Variants in TPM1 observed in about 807,000 individuals in gnomAD.
TPM1 encodes tropomyosin alpha-1 chain.
TPM1 carries 24 observed loss-of-function variants against 42.9 expected under a neutral mutation model. The ratio of observed to expected loss-of-function variants is 0.56; its 90% CI spans 0.41 to 0.79. The LOEUF is 0.79. TPM1 is among the 30% of genes least tolerant of loss of function. The pLI, the probability that TPM1 is intolerant of heterozygous loss-of-function variation, is 0.00. For missense variants in TPM1, 158 were observed against 351.8 expected, an observed-to-expected ratio of 0.45 and a Z score of 4.41; for synonymous variants, 136 against 130.1, an observed-to-expected ratio of 1.05 and a Z score of -0.31.
intron 9 of TPM1, 21 bp from the exon 10 acceptor site, chr15:63,065,875 C>A (rs1397014839): frequency 1.2e-6 from 2 of 1,603,898 alleles, no homozygotes; most frequent in Non-Finnish European, 1.7e-6. Flanking sequence ...TTTTTCCTCC[C>A]ACCTTTTTAT....
At chr15:63,055,116 A>G (rs2034568301) in intron 2 of TPM1, among the ~76,000 whole-genome samples, 1 of 151,990 alleles carries the variant, frequency 6.6e-6, no homozygotes, top group South Asian at 2.1e-4. Context: ...CAATACACAC[A>G]CACACCAGAA....
At chr15:63,048,580 C>G (rs1432721025) in intron 2 of TPM1, 6 of 1,527,892 alleles carry the variant, frequency 3.9e-6, no homozygotes. Flanking sequence ...GGCGCGATGG[C>G]GGGGAGTAGC....
intron 2 of TPM1, among the ~76,000 whole-genome samples, chr15:63,049,693 T>TA (rs903446384): frequency 7.9e-5 from 12 of 152,320 alleles, no homozygotes; most frequent in Admixed American, 7.8e-4. Flanking sequence ...TAAATGGCTG[T>TA]ATGGCTGGCC....
chr15:63,065,527 AG>A, intron 9 of TPM1: 1 of 985,224 alleles, frequency 1.0e-6, no homozygotes, highest in Non-Finnish European at 1.2e-6. Context: ...TTTGTAAATG[AG>A]GGGGTGGAGC....
chr15:63,051,777 A>G (rs1241084929), intron 2 of TPM1, among the ~76,000 whole-genome samples: 1 of 152,196 alleles, frequency 6.6e-6, no homozygotes, highest in Non-Finnish European at 1.5e-5. Context: ...TTTTTTCTTA[A>G]TAACCTTAAC....
chr15:63,066,128 T>A lies in TPM1; in HGVS notation c.*229T>A. ...GCTATTCTTTTTACTTCTTATTTAT[T>A]GACATTTTAGTTTCAACATTGAATA... is the stretch of plus-strand genomic sequence containing the variant. On this transcript the variant is annotated 3_prime_UTR_variant, in exon 10 of 10. Transcript: ENST00000403994. The A allele has an allele frequency of 6.7e-7, 1 of 1,482,682 alleles. No homozygotes were observed. The highest frequency in any genetic ancestry group is 8.9e-7 in the Non-Finnish European group (1 of 1,126,294). The allele number at this position is 1,482,682 out of a possible 1,614,324, so 91.8% of individuals were successfully genotyped here.
At chr15:63,048,746 G>A in intron 2 of TPM1, 2 of 1,520,918 alleles carry the variant, frequency 1.3e-6, no homozygotes, top group East Asian at 2.6e-5. Flanking sequence ...CCCCAGAGGC[G>A]CATCCTCCCG....
At chr15:63,065,250 T>TAAA (rs1217506123) in intron 9 of TPM1, 2 of 987,432 alleles carry the variant, frequency 2.0e-6, no homozygotes, top group East Asian at 2.3e-4. Context: ...ACTTAAACAT[T>TAAA]AAACTTTTTC....
chr15:63,066,276 T>G, downstream of TPM1: 1 of 931,572 alleles, frequency 1.1e-6, no homozygotes, highest in Non-Finnish European at 1.4e-6. Flanking sequence ...CTTGTTGAAC[T>G]TCAAAAAAAT....
At chr15:63,057,450 C>T (rs1003514566) in intron 3 of TPM1, among the ~76,000 whole-genome samples, 5 of 152,168 alleles carry the variant, frequency 3.3e-5, no homozygotes, top group African/African-American at 7.2e-5. Context: ...CTACTGACCA[C>T]AGAGCAATTG....
Position 63,056,754 on chromosome 15 carries a change from G to C in TPM1, c.241-231G>C, listed in dbSNP as rs2034859996. 5 of 585,768 alleles carry C rather than the reference G, an allele frequency of 8.5e-6. No individual in the cohort carries two copies. The South Asian group carries it at 9.1e-5, about 11-fold the overall frequency. The allele number at this position is 585,768 out of a possible 1,614,324, so 36.3% of individuals were successfully genotyped here. A position where few individuals can be genotyped will look rare whatever the true frequency, so the allele number is the denominator to read the frequency against. On this transcript the variant is annotated intron_variant, in intron 2 of 9. Transcript: ENST00000403994. Reference sequence around the variant, plus strand: ...TGCTAATGATCTGTCTGTCTGATGAGAATTGTGTGTATAGATTTGTGTATA... The same window carrying C: ...TGCTAATGATCTGTCTGTCTGATGACAATTGTGTGTATAGATTTGTGTATA...
chr15:63,060,844 T>C, intron 4 of TPM1, 25 bp from the exon 5 acceptor site: 1 of 1,613,648 alleles, frequency 6.2e-7, no homozygotes, highest in Non-Finnish European at 8.5e-7. Flanking sequence ...ACCCATGGTG[T>C]GTGTGTTGTG....
intron 1 of TPM1, chr15:63,043,159 T>C (rs1396664185): frequency 2.2e-5 from 13 of 582,090 alleles, no homozygotes; most frequent in Non-Finnish European, 3.1e-6. Context: ...ATTTCCCTTC[T>C]CTGGTTCCCA....
intron 3 of TPM1, among the ~76,000 whole-genome samples, chr15:63,057,449 A>G (rs2034985064): frequency 1.3e-5 from 2 of 152,258 alleles, no homozygotes; most frequent in African/African-American, 2.4e-5. Flanking sequence ...CCTACTGACC[A>G]CAGAGCAATT....
In TPM1 at chr15:63,058,850, C is replaced by G. The variant is rs1221166792; in HGVS notation, c.375-713C>G. Among the ~76,000 whole-genome samples, 9 of 152,190 alleles carry G rather than the reference C, an allele frequency of 5.9e-5. No homozygotes were observed. The East Asian group carries it at 1.7e-3, about 29-fold the overall frequency. ...TTAGTATTTTTCTGAAACATTACAC[C>G]ACGCTATAGGACCCTAATATACACC... is the stretch of plus-strand genomic sequence containing the variant. On this transcript the variant is annotated intron_variant, in intron 3 of 9. Transcript: ENST00000403994.
chr15:63,062,419 C>A, intron 7 of TPM1, 142 bp downstream of exon 7: 3 of 1,229,284 alleles, frequency 2.4e-6, no homozygotes, highest in Non-Finnish European at 2.4e-6. Flanking sequence ...ATGTACTGTG[C>A]TAACTGCCAT....
At chr15:63,067,595 C>T (rs548689553), downstream of TPM1, among the ~76,000 whole-genome samples, 60 of 152,294 alleles carry the variant, frequency 3.9e-4, 1 homozygote, top group South Asian at 8.5e-3. Flanking sequence ...TCTATAAGTA[C>T]ACTCTACAAG....
At chr15:63,070,301 T>TATAC (rs554415917), downstream of TPM1, 123 of 845,076 alleles carry the variant, frequency 1.5e-4, 2 homozygotes, top group African/African-American at 3.2e-3. Context: ...TATATATATA[T>TATAC]ATATATGTGT....
chr15:63,051,128 A>G (rs1245692111), intron 2 of TPM1, among the ~76,000 whole-genome samples: 1 of 152,214 alleles, frequency 6.6e-6, no homozygotes, highest in Non-Finnish European at 1.5e-5. Flanking sequence ...TTCATTATTT[A>G]AAGAAAAAGG....
Sources: allele counts gnomAD v4.1 joint callset (sites outside exome capture counted in the v4.1 genomes callset), GRCh38; gene constraint gnomAD v4.1.1; transcripts MANE v1.5; gene names NCBI Gene and HGNC (gene_info 2026-07-23, HGNC 2026-07-21).